The following ARHGAP15 variants were observed in gnomAD, a reference collection of about 807,000 sequenced individuals.
ARHGAP15 encodes the protein rho GTPase-activating protein 15.
ARHGAP15 carries 51 observed loss-of-function variants against 63.7 expected under a neutral mutation model. The ratio of observed to expected loss-of-function variants is 0.80; its 90% confidence interval spans 0.64 to 1.01. The LOEUF (loss-of-function observed/expected upper bound fraction) is 1.01. ARHGAP15 is among the 50% of genes least tolerant of loss of function. The pLI is 0.00. For missense variants in ARHGAP15, 560 were observed against 564.6 expected (o/e 0.99, Z 0.08); for synonymous variants, 191 against 193.8 (o/e 0.99, Z 0.12).
chr2:143,257,805 C>T (rs184420760), intron 6 of ARHGAP15, among the ~76,000 whole-genome samples: 2 of 152,174 alleles, frequency 1.3e-5, no homozygotes, highest in East Asian at 3.9e-4. Context: ...AAAGAAACCA[C>T]TGCCACTGGG....
At chr2:143,253,260 A>C (rs950935479) in intron 6 of ARHGAP15, among the ~76,000 whole-genome samples, 2 of 132,902 alleles carry the variant, frequency 1.5e-5, no homozygotes, top group African/African-American at 5.2e-5. Flanking sequence ...CAATGTCTGC[A>C]GAGAAGTTGA....
In ARHGAP15 at chr2:143,161,450, T is replaced by A. The variant is rs574716318; in HGVS notation, c.165+5795T>A. ...TTACTCTAGTTTGTTAATTTTTTTT[T>A]AAATTGCTTCTAATCCATTTTATAG... On this transcript the variant is annotated intron_variant, in intron 2 of 13. Coordinates refer to ENST00000295095, the MANE Select transcript of ARHGAP15 (RefSeq NM_018460.4). Among the ~76,000 whole-genome samples, 22 of 152,034 alleles carry A rather than the reference T, an allele frequency of 1.4e-4. 1 individual carries two copies. Among genetic ancestry groups the A allele is most frequent in the African/African-American group, 3.9e-4 (16 of 41,516 alleles).
At chr2:143,358,436 C>A (rs575160513) in intron 6 of ARHGAP15, among the ~76,000 whole-genome samples, 30 of 151,578 alleles carry the variant, frequency 2.0e-4, no homozygotes, top group South Asian at 1.7e-3. Context: ...CAAAAATCAC[C>A]AAAACCAATC....
chr2:143,451,056 A>G (rs1335336469), intron 8 of ARHGAP15, among the ~76,000 whole-genome samples: 1 of 151,896 alleles, frequency 6.6e-6, no homozygotes, highest in African/African-American at 2.4e-5. Context: ...GATTTGTAGT[A>G]TTTGTTTTGT....
chr2:143,178,897 T>C (rs1200211668), intron 2 of ARHGAP15, among the ~76,000 whole-genome samples: 1 of 152,276 alleles, frequency 6.6e-6, no homozygotes, highest in Non-Finnish European at 1.5e-5. Context: ...AGCACCGCTT[T>C]TCATCGCCAG....
intron 11 of ARHGAP15, among the ~76,000 whole-genome samples, chr2:143,606,195 G>T (rs1186806382): frequency 6.6e-6 from 1 of 152,120 alleles, no homozygotes; most frequent in Non-Finnish European, 1.5e-5. Flanking sequence ...ATGGGAAGCT[G>T]GTTTAAATAT....
chr2:143,660,270 A>G (rs953398384), intron 12 of ARHGAP15, among the ~76,000 whole-genome samples: 7 of 152,162 alleles, frequency 4.6e-5, no homozygotes, highest in Non-Finnish European at 1.0e-4. Context: ...TAATTCTTCA[A>G]CTGTTGAATG....
chr2:143,654,146 A>T (rs1465405020), intron 12 of ARHGAP15, among the ~76,000 whole-genome samples: 1 of 152,206 alleles, frequency 6.6e-6, no homozygotes. Context: ...AGTAGAGAAT[A>T]GGGGTATTAG....
rs11447778 is a variant in ARHGAP15 at position 143,235,242 on chromosome 2, GT to G, written c.384+6589del. On this transcript the variant is annotated intron_variant, in intron 5 of 13. Coordinates refer to ENST00000295095, the MANE Select transcript of ARHGAP15 (RefSeq NM_018460.4). ...ATGAAATAAGAAACATAGTAGAGTTGTTTTTTTTTTTTTTTCCACTGAGATT... is the reference window on the plus strand; with the variant it reads ...ATGAAATAAGAAACATAGTAGAGTTGTTTTTTTTTTTTTTCCACTGAGATT... Among the ~76,000 whole-genome samples the G allele has an allele frequency of 2.9e-3, 394 of 135,912 alleles. 2 individuals carry two copies. The highest frequency in any genetic ancestry group is 7.3e-3 in the East Asian group (34 of 4,652). 89.2% of individuals were successfully genotyped at this position (135,912 alleles called of 152,430 possible).
chr2:143,310,087 C>T (rs897464211), intron 6 of ARHGAP15, among the ~76,000 whole-genome samples: 1 of 151,952 alleles, frequency 6.6e-6, no homozygotes. Context: ...AAGAATTGAG[C>T]GTTTTCCAAA....
chr2:143,547,659 CCTG>C (rs1473617455), intron 10 of ARHGAP15, among the ~76,000 whole-genome samples: 3 of 149,290 alleles, frequency 2.0e-5, no homozygotes, highest in Non-Finnish European at 4.4e-5. Flanking sequence ...TGGTTTTACT[CCTG>C]TATCCAAATT....
intron 2 of ARHGAP15, among the ~76,000 whole-genome samples, chr2:143,191,686 A>G (rs927823815): frequency 6.6e-6 from 1 of 152,246 alleles, no homozygotes; most frequent in African/African-American, 2.4e-5. Context: ...ATCATACCAC[A>G]GCAATCAGAT....
chr2:143,480,222 G>A (rs1692014013), intron 8 of ARHGAP15, among the ~76,000 whole-genome samples: 1 of 152,124 alleles, frequency 6.6e-6, no homozygotes, highest in South Asian at 2.1e-4. Context: ...AGAAGACATG[G>A]ATACATAAAT....
chr2:143,478,794 A>G (rs1351416104), intron 8 of ARHGAP15, among the ~76,000 whole-genome samples: 1 of 152,234 alleles, frequency 6.6e-6, no homozygotes, highest in Non-Finnish European at 1.5e-5. Context: ...CTTATAATCT[A>G]AGAAACATTT....
intron 1 of ARHGAP15, among the ~76,000 whole-genome samples, chr2:143,153,812 CTTCTTCTTCTTCTTCT>C (rs1558779223): frequency 6.6e-5 from 5 of 75,870 alleles, no homozygotes; most frequent in African/African-American, 2.4e-4. Flanking sequence ...TCTTCTTCTT[CTTCTTCTTCTTCTTCT>C]TCTTCTTCTT....
intron 6 of ARHGAP15, among the ~76,000 whole-genome samples, chr2:143,377,831 CA>C (rs1279722492): frequency 6.6e-6 from 1 of 152,040 alleles, no homozygotes; most frequent in Non-Finnish European, 1.5e-5. Flanking sequence ...ATGTATTGCT[CA>C]AAAGCGAATT....
intron 1 of ARHGAP15, among the ~76,000 whole-genome samples, chr2:143,142,107 C>G (rs995202088): frequency 6.6e-6 from 1 of 151,884 alleles, no homozygotes; most frequent in Non-Finnish European, 1.5e-5. Context: ...AAAGTAACAA[C>G]CCTCATTTTT....
At chr2:143,330,110 AAAAAAAAAAAAAAAAAAAAAAC>A (rs1684455951) in intron 6 of ARHGAP15, among the ~76,000 whole-genome samples, 2 of 86,162 alleles carry the variant, frequency 2.3e-5, no homozygotes, top group East Asian at 6.9e-4. Context: ...AAAAAAAAAA[AAAAAAAAAAAAAAAAAAAAAAC>A]CAAAAACAAA....
At chr2:143,288,758 A>C (rs1254926750) in intron 6 of ARHGAP15, among the ~76,000 whole-genome samples, 1 of 151,664 alleles carries the variant, frequency 6.6e-6, no homozygotes, top group Non-Finnish European at 1.5e-5. Flanking sequence ...GAATTATTAA[A>C]GGTGCCATCT....
Sources: allele counts gnomAD v4.1 joint callset (sites outside exome capture counted in the v4.1 genomes callset), GRCh38; gene constraint gnomAD v4.1.1; transcripts MANE v1.5; gene names NCBI Gene and HGNC (gene_info 2026-07-23, HGNC 2026-07-21).